The following MYO15A variants were observed in gnomAD, a reference collection of about 807,000 sequenced individuals.
MYO15A encodes the protein myosin XVA.
Under a neutral mutation model 394.6 loss-of-function variants are expected in MYO15A, and 308 were observed. The ratio of observed to expected loss-of-function variants is 0.78; its 90% CI spans 0.71 to 0.86. MYO15A has a LOEUF of 0.86. Ranked by LOEUF, MYO15A falls within the 40% of genes least tolerant of loss-of-function variation. The pLI, the probability that MYO15A is intolerant of heterozygous loss-of-function variation, is 0.00. For missense variants in MYO15A, 4,606 were observed against 4,799.1 expected (o/e 0.96, Z 1.19); for synonymous variants, 1,957 against 2,003.8 (o/e 0.98, Z 0.62).
chr17:18,149,480 C>T lies in MYO15A; in HGVS notation c.7118-6C>T. The T allele has an allele frequency of 6.2e-7, 1 of 1,614,196 alleles. No individual in the cohort carries two copies. Among genetic ancestry groups the T allele is most frequent in the East Asian group, 2.2e-5 (1 of 44,884 alleles). On this transcript the variant is annotated splice_polypyrimidine_tract_variant and splice_region_variant and intron_variant, in intron 34 of 65. Coordinates refer to ENST00000647165, the MANE Select transcript of MYO15A (RefSeq NM_016239.4). Reference sequence around the variant, plus strand: ...GAACTTGACATTTTTGTGCCTTCCCCTCCAGAGTCAGACAGTCTTGGAGAG... The same window carrying T: ...GAACTTGACATTTTTGTGCCTTCCCTTCCAGAGTCAGACAGTCTTGGAGAG...
In MYO15A at chr17:18,119,534, A is replaced by C; in HGVS notation, c.734A>C (p.Tyr245Ser). ...YYDYHRDGDD[Y>S]YDRQSLHRYE... is the part of the protein sequence containing the mutation. ...GACTATCACCGCGACGGCGACGACTACTACGACCGGCAGTCACTCCACCGC... is the reference window on the plus strand; with the variant it reads ...GACTATCACCGCGACGGCGACGACTCCTACGACCGGCAGTCACTCCACCGC... The change falls in exon 2 of 66, where the codon TAC becomes TCC. Residue 245 changes from tyrosine to serine, a missense_variant. Physicochemically the swap from Tyr to Ser is moderately radical, Grantham distance 144. Transcript: ENST00000647165. The C allele has an allele frequency of 6.2e-7, 1 of 1,609,538 alleles. No individual in the cohort carries two copies. Among genetic ancestry groups the C allele is most frequent in the African/African-American group, 1.3e-5 (1 of 74,954 alleles).
In MYO15A at chr17:18,143,768, G is replaced by A. The variant is rs1457857060; in HGVS notation, c.6018G>A (p.Glu2006=). The change falls in exon 27 of 66, where the codon GAG becomes GAA. Residue 2006 remains glutamate, a synonymous_variant. Coordinates refer to ENST00000647165, the MANE Select transcript of MYO15A (RefSeq NM_016239.4). ...VAVGHLEVPA[E]LAGLLQAVAG... ...TGGGGCACCTGGAGGTACCGGCTGAGCTGGCTGGGCTCTTGCAAGCAGTGG... is the reference window on the plus strand; with the variant it reads ...TGGGGCACCTGGAGGTACCGGCTGAACTGGCTGGGCTCTTGCAAGCAGTGG... 1.3e-6 allele frequency: 2 copies of A among 1,593,392 alleles called. No homozygotes were observed. Among genetic ancestry groups the A allele is most frequent in the Non-Finnish European group, 8.5e-7 (1 of 1,170,320 alleles).
At chr17:18,142,908 G>A in intron 25 of MYO15A, 68 bp downstream of exon 25, 4 of 1,436,394 alleles carry the variant, frequency 2.8e-6, no homozygotes, top group Non-Finnish European at 3.8e-6. Flanking sequence ...TAGCACCCAA[G>A]AGGAGACTAC....
intron 1 of MYO15A, among the ~76,000 whole-genome samples, chr17:18,112,442 C>T (rs1282057504): frequency 6.6e-6 from 1 of 152,114 alleles, no homozygotes; most frequent in Admixed American, 6.5e-5. Flanking sequence ...GTCACACAGG[C>T]TGGATTGCAG....
chr17:18,154,636 G>C (rs980495737), intron 44 of MYO15A, 44 bp from the exon 45 acceptor site: 1 of 1,598,586 alleles, frequency 6.3e-7, no homozygotes, highest in South Asian at 1.1e-5. Context: ...GGTCCCAGCT[G>C]GGGGAGTCCC....
rs372576922 is a variant in MYO15A at position 18,159,256 on chromosome 17, C to T, written c.9157-19C>T. On this transcript the variant is annotated intron_variant, in intron 53 of 65. Coordinates refer to ENST00000647165, the MANE Select transcript of MYO15A (RefSeq NM_016239.4). ...GACGTGTCCCTCCTCCATCATGACA[C>T]AGCCCTCTTCCCCCACAGACTCCCC... 18 of 1,613,842 alleles carry T rather than the reference C, an allele frequency of 1.1e-5. No homozygotes were observed. Among genetic ancestry groups the T allele is most frequent in the Non-Finnish European group, 1.5e-5 (18 of 1,179,838 alleles).
chr17:18,174,324 T>C (rs1285664454), intron 65 of MYO15A, among the ~76,000 whole-genome samples: 1 of 152,096 alleles, frequency 6.6e-6, no homozygotes, highest in Non-Finnish European at 1.5e-5. Flanking sequence ...TGGCTGTTAC[T>C]TAAAAGGCAG....
rs59214589 is a variant in MYO15A at position 18,130,817 on chromosome 17, A to AGTGTGTGTGTGT, written c.4038+50_4038+61dup. ...GACGCTCTTGAAGATAAAGGTACTC[A>AGTGTGTGTGTGT]GTGTGTGTGTGTGTGTGTGTGTGTG... is the stretch of plus-strand genomic sequence containing the variant. On this transcript the variant is annotated splice_region_variant and intron_variant, in intron 8 of 65. Transcript: ENST00000647165. 3,927 of 1,191,638 alleles carry AGTGTGTGTGTGT rather than the reference A, an allele frequency of 3.3e-3. 62 individuals carry two copies. Among genetic ancestry groups the AGTGTGTGTGTGT allele is most frequent in the African/African-American group, 0.016 (747 of 47,630 alleles). The allele number at this position is 1,191,638 out of a possible 1,614,324, so 73.8% of individuals were successfully genotyped here.
intron 7 of MYO15A, among the ~76,000 whole-genome samples, chr17:18,130,112 C>T (rs1483099503): frequency 6.6e-6 from 1 of 152,170 alleles, no homozygotes; most frequent in Non-Finnish European, 1.5e-5. Flanking sequence ...ATCTCCGGGC[C>T]TCGTGATCTG....
At chr17:18,172,446 T>A (rs754036308) in intron 64 of MYO15A, 156 bp downstream of exon 64, 1 of 1,170,884 alleles carries the variant, frequency 8.5e-7, no homozygotes, top group South Asian at 1.3e-5. Context: ...TGAGCCTTGC[T>A]TTCCTCATCT....
At chr17:18,112,816 T>A (rs2045737678) in intron 1 of MYO15A, among the ~76,000 whole-genome samples, 1 of 151,606 alleles carries the variant, frequency 6.6e-6, no homozygotes, top group Non-Finnish European at 1.5e-5. Flanking sequence ...AGATAACTAT[T>A]CTCATTAATT....
At position 18,179,508 on chromosome 17, in the gene MYO15A, T is replaced by C. The variant is rs535151697; in HGVS notation, c.*638T>C. On this transcript the variant is annotated 3_prime_UTR_variant, in exon 66 of 66. Coordinates refer to ENST00000647165, the MANE Select transcript of MYO15A (RefSeq NM_016239.4). Reference sequence around the variant, plus strand: ...CTATGAACAGACCATCCCCCACTCCTTGGGTATCCCCAACCCCAGACCCCC... The same window carrying C: ...CTATGAACAGACCATCCCCCACTCCCTGGGTATCCCCAACCCCAGACCCCC... The C allele has an allele frequency of 4.4e-5, 7 of 158,100 alleles. No individual in the cohort carries two copies. Among genetic ancestry groups the C allele is most frequent in the Admixed American group, 3.6e-4 (6 of 16,770 alleles). 9.8% of individuals were successfully genotyped at this position (158,100 alleles called of 1,614,324 possible).
At position 18,118,756 on chromosome 17, in the gene MYO15A, G is replaced by T. The variant is rs1308793632; in HGVS notation, c.-45G>T. ...GGTCCCTGTGTCTCCAAGTCCCTGA[G>T]CCCGTGACACCGGCCCCAGGCCCTG... On this transcript the variant is annotated 5_prime_UTR_variant, in exon 2 of 66. Transcript: ENST00000647165. The T allele has an allele frequency of 6.2e-6, 10 of 1,607,332 alleles. No homozygotes were observed. Among genetic ancestry groups the T allele is most frequent in the Non-Finnish European group, 8.5e-6 (10 of 1,177,824 alleles).
chr17:18,156,135 A>G, intron 47 of MYO15A, 60 bp from the exon 48 acceptor site: 3 of 1,612,516 alleles, frequency 1.9e-6, no homozygotes, highest in Non-Finnish European at 2.5e-6. Context: ...GAAGCAGCAC[A>G]ATAGGTGGAA....
intron 65 of MYO15A, 129 bp from the exon 66 acceptor site, chr17:18,178,640 G>A (rs2047048429): frequency 1.1e-6 from 1 of 905,244 alleles, no homozygotes; most frequent in South Asian, 1.4e-5. Flanking sequence ...GGGGAGGTGG[G>A]GACAAGGGTC....
In MYO15A at chr17:18,124,632, C is replaced by G. The variant is rs537824554; in HGVS notation, c.3692+67C>G. 68 of 1,494,082 alleles carry G rather than the reference C, an allele frequency of 4.6e-5. No homozygotes were observed. The East Asian group carries it at 8.5e-4, about 19-fold the overall frequency. 92.6% of individuals were successfully genotyped at this position (1,494,082 alleles called of 1,614,324 possible). A position where few individuals can be genotyped will look rare whatever the true frequency, so the allele number is the denominator to read the frequency against. On this transcript the variant is annotated intron_variant, in intron 3 of 65. Coordinates refer to ENST00000647165, the MANE Select transcript of MYO15A (RefSeq NM_016239.4). ...GGGGTCCCCACCCTCCCAGCCAGAG[C>G]AGCTCCTCCTGCAGTTGCCTCTCAC...
intron 53 of MYO15A, 136 bp from the exon 54 acceptor site, chr17:18,159,139 T>C: frequency 7.4e-7 from 1 of 1,356,820 alleles, no homozygotes; most frequent in East Asian, 2.5e-5. Flanking sequence ...GGACAGCCTC[T>C]GTCCCCAGTG....
At chr17:18,111,987 C>G (rs1370682669) in intron 1 of MYO15A, among the ~76,000 whole-genome samples, 1 of 152,210 alleles carries the variant, frequency 6.6e-6, no homozygotes, top group Non-Finnish European at 1.5e-5. Context: ...CTGGGCTTGC[C>G]TCTCTGAGAG....
chr17:18,154,301 A>G (rs2046636865), intron 44 of MYO15A, 111 bp downstream of exon 44: 2 of 1,316,646 alleles, frequency 1.5e-6, no homozygotes, highest in African/African-American at 1.5e-5. Flanking sequence ...GGGGTCCTTG[A>G]CAGGGGTGAG....
Sources: allele counts gnomAD v4.1 joint callset (sites outside exome capture counted in the v4.1 genomes callset), GRCh38; gene constraint gnomAD v4.1.1; transcripts MANE v1.5; gene names NCBI Gene and HGNC (gene_info 2026-07-23, HGNC 2026-07-21).